ARHGAP24: variants seen among roughly 807,000 people sequenced by gnomAD.
The protein encoded by ARHGAP24 is Rho GTPase activating protein 24.
ARHGAP24 carries 50 observed loss-of-function variants against 76.4 expected under a neutral mutation model. The observed-to-expected ratio is 0.65, with a 90% CI of 0.52 to 0.83. The LOEUF (loss-of-function observed/expected upper bound fraction) is 0.83, where lower values mean the gene tolerates loss of function less well. Ranked by LOEUF, ARHGAP24 falls within the 40% of genes least tolerant of loss-of-function variation. The pLI is 0.00. For synonymous variants in ARHGAP24, 345 were observed against 323.3 expected (o/e 1.07, Z -0.72); for missense variants, 930 against 914.2 (o/e 1.02, Z -0.22).
intron 6 of ARHGAP24, among the ~76,000 whole-genome samples, chr4:85,973,229 C>A (rs1025401955): frequency 6.6e-6 from 1 of 151,784 alleles, no homozygotes; most frequent in Admixed American, 6.6e-5. Context: ...CATCCTAACA[C>A]GAGTAAAGTC....
At chr4:85,572,917 C>A (rs1727196811) in intron 2 of ARHGAP24, among the ~76,000 whole-genome samples, 2 of 139,722 alleles carry the variant, frequency 1.4e-5, no homozygotes, top group Non-Finnish European at 1.5e-5. Context: ...CACTCTGTAG[C>A]CCAGGCTGGA....
intron 3 of ARHGAP24, among the ~76,000 whole-genome samples, chr4:85,826,085 A>G (rs1452977233): frequency 6.6e-6 from 1 of 152,148 alleles, no homozygotes; most frequent in Admixed American, 6.6e-5. Flanking sequence ...TGTGTCTCAT[A>G]AGACGGGTGG....
chr4:85,554,989 T>G (rs200009007), intron 1 of ARHGAP24, among the ~76,000 whole-genome samples: 2 of 87,248 alleles, frequency 2.3e-5, no homozygotes, highest in African/African-American at 6.4e-5. Context: ...CAGTTCTTTC[T>G]TATAGTGGCT....
At chr4:85,500,745 C>G (rs976360437) in intron 1 of ARHGAP24, among the ~76,000 whole-genome samples, 1 of 151,994 alleles carries the variant, frequency 6.6e-6, no homozygotes, top group Non-Finnish European at 1.5e-5. Flanking sequence ...ACTTTAAGTT[C>G]TAGGGTACAT....
chr4:85,625,004 T>C (rs2110007332), intron 2 of ARHGAP24, among the ~76,000 whole-genome samples: 1 of 152,208 alleles, frequency 6.6e-6, no homozygotes, highest in East Asian at 1.9e-4. Flanking sequence ...TCAATTTTGT[T>C]GATCTTTTCA....
At chr4:85,740,736 C>A (rs1168996447) in intron 3 of ARHGAP24, among the ~76,000 whole-genome samples, 1 of 152,118 alleles carries the variant, frequency 6.6e-6, no homozygotes, top group Admixed American at 6.6e-5. Flanking sequence ...TGATGTCATT[C>A]TTTGCATATT....
intron 3 of ARHGAP24, among the ~76,000 whole-genome samples, chr4:85,888,128 C>T (rs1461353736): frequency 6.6e-6 from 1 of 151,930 alleles, no homozygotes; most frequent in African/African-American, 2.4e-5. Context: ...CTGTGCTGGG[C>T]GTGGTGGCTT....
intron 3 of ARHGAP24, among the ~76,000 whole-genome samples, chr4:85,756,333 C>T (rs563650446): frequency 7.4e-4 from 112 of 152,262 alleles, no homozygotes; most frequent in African/African-American, 2.6e-3. Context: ...TGATCCATGC[C>T]TAATTTACCT....
intron 1 of ARHGAP24, among the ~76,000 whole-genome samples, chr4:85,515,107 T>G (rs1724444402): frequency 6.6e-6 from 1 of 152,124 alleles, no homozygotes; most frequent in African/African-American, 2.4e-5. Flanking sequence ...GAATAATCCT[T>G]AGAATAGAAA....
chr4:85,499,685 A>G (rs1391048661), intron 1 of ARHGAP24, among the ~76,000 whole-genome samples: 1 of 152,158 alleles, frequency 6.6e-6, no homozygotes, highest in African/African-American at 2.4e-5. Context: ...CAAAGAATAA[A>G]CCAGAATAAG....
At chr4:85,714,858 C>T (rs1314075788) in intron 2 of ARHGAP24, among the ~76,000 whole-genome samples, 1 of 152,060 alleles carries the variant, frequency 6.6e-6, no homozygotes, top group Non-Finnish European at 1.5e-5. Context: ...ATAAAACTTC[C>T]CCAAACTGCT....
At chr4:85,886,248 G>A (rs541939251) in intron 3 of ARHGAP24, among the ~76,000 whole-genome samples, 2 of 152,150 alleles carry the variant, frequency 1.3e-5, no homozygotes, top group South Asian at 2.1e-4. Flanking sequence ...GATAAACTTC[G>A]CAGGACAATT....
intron 3 of ARHGAP24, among the ~76,000 whole-genome samples, chr4:85,901,948 T>C (rs1734518833): frequency 6.6e-6 from 1 of 152,058 alleles, no homozygotes; most frequent in Non-Finnish European, 1.5e-5. Flanking sequence ...ATGCATTAGG[T>C]ATTTGTTCTA....
At chr4:85,882,595 A>G (rs1733322406) in intron 3 of ARHGAP24, among the ~76,000 whole-genome samples, 1 of 152,134 alleles carries the variant, frequency 6.6e-6, no homozygotes, top group African/African-American at 2.4e-5. Flanking sequence ...TGGTTCCTCT[A>G]TATTCTATTT....
At chr4:85,892,184 T>C (rs1198842129) in intron 3 of ARHGAP24, among the ~76,000 whole-genome samples, 1 of 64,842 alleles carries the variant, frequency 1.5e-5, no homozygotes, top group East Asian at 2.7e-4. Flanking sequence ...GTAGTTTGTA[T>C]TTCTGTGGGA....
At chr4:85,538,009 A>C (rs925951038) in intron 1 of ARHGAP24, among the ~76,000 whole-genome samples, 1 of 149,208 alleles carries the variant, frequency 6.7e-6, no homozygotes, top group South Asian at 2.1e-4. Context: ...CTTAGTGAAC[A>C]AATTTAGCAA....
At chr4:85,641,014 G>T (rs1388087681) in intron 2 of ARHGAP24, among the ~76,000 whole-genome samples, 1 of 98,392 alleles carries the variant, frequency 1.0e-5, no homozygotes, top group East Asian at 2.0e-4. Flanking sequence ...ATAATGAAAA[G>T]AAATTTACTT....
At chr4:85,821,404 C>T (rs1729465603) in intron 3 of ARHGAP24, among the ~76,000 whole-genome samples, 1 of 152,208 alleles carries the variant, frequency 6.6e-6, no homozygotes, top group African/African-American at 2.4e-5. Context: ...GATAGGGTCT[C>T]ACTCTGTTTC....
intron 4 of ARHGAP24, among the ~76,000 whole-genome samples, chr4:85,934,711 C>T (rs968960561): frequency 6.6e-6 from 1 of 152,094 alleles, no homozygotes; most frequent in South Asian, 2.1e-4. Flanking sequence ...GATGGGGTTT[C>T]ATCACGTTGG....
Sources: allele counts gnomAD v4.1 joint callset (sites outside exome capture counted in the v4.1 genomes callset), GRCh38; gene constraint gnomAD v4.1.1; transcripts MANE v1.5; gene names NCBI Gene and HGNC (gene_info 2026-07-23, HGNC 2026-07-21).